Variants in NDUFA9 observed in about 807,000 individuals in gnomAD.
NDUFA9 encodes NADH dehydrogenase [ubiquinone] 1 alpha subcomplex subunit 9, mitochondrial.
In NDUFA9, 23 loss-of-function variants were observed where a neutral mutation model predicts 45.9. The ratio of observed to expected loss-of-function variants is 0.50; its 90% CI spans 0.36 to 0.71. The LOEUF is 0.71. Among genes scored for constraint, NDUFA9 ranks in the 30% least tolerant of loss-of-function variants. The pLI, the probability that NDUFA9 is intolerant of heterozygous loss-of-function variation, is 0.00. For missense variants in NDUFA9, 466 were observed against 488.2 expected (o/e 0.95, Z 0.43); for synonymous variants, 176 against 170.5 (o/e 1.03, Z -0.25).
chr12:4,668,720 T>C (rs1945867922), intron 7 of NDUFA9, 196 bp downstream of exon 7: 7 of 587,228 alleles, frequency 1.2e-5, no homozygotes, highest in South Asian at 2.0e-5. Flanking sequence ...GAAAAAGTTA[T>C]TGAACTCATA....
rs542178637 is a variant in NDUFA9, at chr12:4,691,733, G to A, written c.*4625G>A. ...GAACTCACCTCCCTGGAAGCAGAGG[G>A]TGGTGGGGTTTTTGAGGGCTGTGTG... On this transcript the variant is annotated 3_prime_UTR_variant, in exon 11 of 11. Transcript: ENST00000266544. The A allele has an allele frequency of 3.5e-4, 53 of 152,244 alleles. No individual in the cohort carries two copies. Among genetic ancestry groups the A allele is most frequent in the African/African-American group, 1.2e-3 (50 of 41,502 alleles). 9.4% of individuals were successfully genotyped at this position (152,244 alleles called of 1,614,324 possible).
Position 4,669,327 on chromosome 12 carries a change from G to T in NDUFA9, c.724-414G>T, listed in dbSNP as rs189297872. The stretch of plus-strand genomic sequence containing the variant: ...TGGTAGAATATTAGCAATTCCATGT[G>T]GTTAAGCCTAATAGCTTGTGATGGT... On this transcript the variant is annotated intron_variant, in intron 7 of 10. Coordinates refer to ENST00000266544, the MANE Select transcript of NDUFA9 (RefSeq NM_005002.5). Among the ~76,000 whole-genome samples the T allele has an allele frequency of 3.4e-4, 52 of 152,326 alleles. 1 individual carries two copies. Among genetic ancestry groups the T allele is most frequent in the Admixed American group, 2.7e-3 (41 of 15,300 alleles).
chr12:4,650,345 C>G (rs1237784192), intron 1 of NDUFA9, among the ~76,000 whole-genome samples: 3 of 152,124 alleles, frequency 2.0e-5, no homozygotes, highest in Admixed American at 2.0e-4. Context: ...AATGTCTTTG[C>G]AAAGACATTT....
At position 4,685,302 on chromosome 12, in the gene NDUFA9, A is replaced by C; in HGVS notation, c.940A>C (p.Ile314Leu). ...TGAAATAAGCCCATTTGAGCCCTGG[A>C]TAACAAGGGATAAAGTGGAGCGGGT... ...VFEISPFEPW[I>L]TRDKVERMHI... Residue 314 changes from isoleucine (I) to leucine (L), a missense_variant, in exon 10 of 11, where the codon ATA becomes CTA. Coordinates refer to ENST00000266544, the MANE Select transcript of NDUFA9 (RefSeq NM_005002.5). 6.2e-7 allele frequency: 1 copy of C among 1,614,090 alleles called. No homozygotes were observed. Among genetic ancestry groups the C allele is most frequent in the Non-Finnish European group, 8.5e-7 (1 of 1,179,938 alleles).
intron 5 of NDUFA9, among the ~76,000 whole-genome samples, chr12:4,662,169 G>A (rs189419501): frequency 9.8e-5 from 15 of 152,328 alleles, no homozygotes; most frequent in Admixed American, 9.8e-4. Flanking sequence ...GCAGCCTGCT[G>A]CCACCATACT....
chr12:4,690,372 CCT>C lies in NDUFA9; in HGVS notation c.*3265_*3266del. ...GTGTATTTCCCACAGCTTTGCTAGG[CCT>C]TAAGATCATCTCACATTCTTCATCC... is the stretch of plus-strand genomic sequence containing the variant. On this transcript the variant is annotated 3_prime_UTR_variant, in exon 11 of 11. Transcript: ENST00000266544. 6.6e-6 allele frequency: 1 copy of C among 152,290 alleles called. No individual in the cohort carries two copies. The highest frequency in any genetic ancestry group is 1.5e-5 in the Non-Finnish European group (1 of 68,030). The allele number at this position is 152,290 out of a possible 1,614,324, so 9.4% of individuals were successfully genotyped here. A position where few individuals can be genotyped will look rare whatever the true frequency, so the allele number is the denominator to read the frequency against.
rs116501247 is a variant in NDUFA9 at position 4,653,505 on chromosome 12, T to C, written c.50-787T>C. On this transcript the variant is annotated intron_variant, in intron 1 of 10. Transcript: ENST00000266544. ...CATGCTGTAGAGAAGATGTAAGCAT[T>C]GGTACATGAACTTTGAGGGTTCATT... 1.6e-3 allele frequency: 606 copies of C among 380,936 alleles called. 3 individuals are homozygous for C. Among genetic ancestry groups the C allele is most frequent in the African/African-American group, 0.012 (570 of 46,924 alleles). The allele number at this position is 380,936 out of a possible 1,614,324, so 23.6% of individuals were successfully genotyped here.
chr12:4,668,646 C>A (rs1945867565), intron 7 of NDUFA9, 122 bp downstream of exon 7: 2 of 863,294 alleles, frequency 2.3e-6, no homozygotes, highest in African/African-American at 1.7e-5. Flanking sequence ...CTTGTGTCAG[C>A]TAGCTGCCTC....
chr12:4,665,295 T>C (rs1945846687), intron 6 of NDUFA9, among the ~76,000 whole-genome samples: 1 of 152,244 alleles, frequency 6.6e-6, no homozygotes, highest in Admixed American at 6.5e-5. Context: ...TTTTGGTTTC[T>C]ATGAATTTGA....
In NDUFA9 at chr12:4,670,418, AG is replaced by A. The variant is rs1945879367; in HGVS notation, c.800+603del. Among the ~76,000 whole-genome samples the A allele has an allele frequency of 2.6e-5, 4 of 152,202 alleles. No homozygotes were observed. The South Asian group carries it at 8.3e-4, about 32-fold the overall frequency. On this transcript the variant is annotated intron_variant, in intron 8 of 10. Transcript: ENST00000266544. ...CTAAGACTTCATTTGCCAAGTTGAG[AG>A]GTATCAAATTCACCTGGTAAGTGGT...
In NDUFA9 at chr12:4,691,810, G is replaced by C. The variant is rs1225181716; in HGVS notation, c.*4702G>C. The C allele has an allele frequency of 1.4e-5, 1 of 70,038 alleles. No individual in the cohort carries two copies. The highest frequency in any genetic ancestry group is 4.0e-5 in the Non-Finnish European group (1 of 25,112). The allele number at this position is 70,038 out of a possible 1,614,324, so 4.3% of individuals were successfully genotyped here. ...AGCCATGTGGATCCTGTGAGGGCCA[G>C]GATGGGGGGGGGGGTCATGGGTCAT... On this transcript the variant is annotated 3_prime_UTR_variant, in exon 11 of 11. Transcript: ENST00000266544.
rs1946008204 is a variant in NDUFA9 at position 4,689,642 on chromosome 12, C to T, written c.*2534C>T. The T allele has an allele frequency of 5.3e-6, 1 of 189,724 alleles. No homozygotes were observed. The highest frequency in any genetic ancestry group is 1.0e-5 in the Non-Finnish European group (1 of 96,914). 11.8% of individuals were successfully genotyped at this position (189,724 alleles called of 1,614,324 possible). On this transcript the variant is annotated 3_prime_UTR_variant, in exon 11 of 11. Coordinates refer to ENST00000266544, the MANE Select transcript of NDUFA9 (RefSeq NM_005002.5). ...GTAAGATCATAGATCAACAGCATCC[C>T]AAGGCAGAAGAATTTTTCTTAGTAC...
At chr12:4,682,384 G>GGTGT (rs1945958872) in intron 9 of NDUFA9, 84 bp downstream of exon 9, 1 of 883,454 alleles carries the variant, frequency 1.1e-6, no homozygotes, top group Non-Finnish European at 1.8e-6. Context: ...AGGGTTATAG[G>GGTGT]GTGTGTGAAG....
In NDUFA9 at chr12:4,687,834, C is replaced by T. The variant is rs937965133; in HGVS notation, c.*726C>T. The T allele has an allele frequency of 6.6e-6, 1 of 152,218 alleles. No individual in the cohort carries two copies. The highest frequency in any genetic ancestry group is 2.4e-5 in the African/African-American group (1 of 41,456). 9.4% of individuals were successfully genotyped at this position (152,218 alleles called of 1,614,324 possible). ...AAATTGCAGCCAAGACCCAGATGAA[C>T]ATTTGGTTTAGTGTTGGCAAATCCC... On this transcript the variant is annotated 3_prime_UTR_variant, in exon 11 of 11. Coordinates refer to ENST00000266544, the MANE Select transcript of NDUFA9 (RefSeq NM_005002.5).
chr12:4,656,503 A>G (rs1945791671), intron 3 of NDUFA9, among the ~76,000 whole-genome samples: 1 of 152,226 alleles, frequency 6.6e-6, no homozygotes, highest in Admixed American at 6.5e-5. Context: ...GACCACAGGG[A>G]ACTCAGAGAC....
intron 9 of NDUFA9, among the ~76,000 whole-genome samples, chr12:4,682,855 C>A (rs1327893687): frequency 6.6e-6 from 1 of 152,098 alleles, no homozygotes; most frequent in African/African-American, 2.4e-5. Flanking sequence ...TTGCTTGAGC[C>A]CAGGAGTTTG....
chr12:4,654,871 T>G lies in NDUFA9; in HGVS notation c.267T>G (p.Tyr89Ter). 6.2e-7 allele frequency: 1 copy of G among 1,614,064 alleles called. No individual in the cohort carries two copies. Among genetic ancestry groups the G allele is most frequent in the Non-Finnish European group, 8.5e-7 (1 of 1,179,956 alleles). ...TCATACCCTATCGGTGTGATAAATATGACATCATGCACCTTCGTCCCATGG... is the reference window on the plus strand; with the variant it reads ...TCATACCCTATCGGTGTGATAAATAGGACATCATGCACCTTCGTCCCATGG... ...QVIIPYRCDK[Y>*]DIMHLRPMGD... The change falls in exon 3 of 11, where the codon TAT becomes TAG. Residue 89 changes from tyrosine to a stop codon, truncating the protein, a stop_gained. Transcript: ENST00000266544. LOFTEE classifies it high-confidence loss of function.
intron 1 of NDUFA9, among the ~76,000 whole-genome samples, chr12:4,652,394 G>C (rs2191156): frequency 0.8 from 121,784 of 152,100 alleles, 49,044 homozygotes; most frequent in Middle Eastern, 0.84. Flanking sequence ...GAAGGATTGT[G>C]TATACTCCTC....
chr12:4,684,633 AGT>A (rs1945973250), intron 9 of NDUFA9, among the ~76,000 whole-genome samples: 1 of 152,166 alleles, frequency 6.6e-6, no homozygotes. Context: ...GAAAAGAAAA[AGT>A]CACTGCCCTG....
Sources: gnomAD v4.1 joint callset for allele counts (sites outside exome capture counted in the v4.1 genomes callset) on GRCh38, gnomAD v4.1.1 for gene constraint, MANE v1.5 for transcripts, NCBI Gene and HGNC (gene_info 2026-07-23, HGNC 2026-07-21) for gene names.